Variants in SYNE2 observed in about 807,000 individuals in gnomAD.
SYNE2 encodes spectrin repeat containing nuclear envelope protein 2, also known as nesprin-2.
Under a neutral mutation model 856.3 loss-of-function variants are expected in SYNE2, and 431 were observed. That is an observed-to-expected ratio of 0.50 (90% CI 0.47 to 0.55). SYNE2 has a LOEUF of 0.55. SYNE2 is among the 20% of genes least tolerant of loss of function. SYNE2 has a pLI of 0.00. For missense variants in SYNE2, 8,129 were observed against 8,023.2 expected, an observed-to-expected ratio of 1.01 and a Z score of -0.50; for synonymous variants, 2,923 against 2,872.3, an observed-to-expected ratio of 1.02 and a Z score of -0.56.
At chr14:63,978,783 T>C in intron 13 of SYNE2, 69 bp from the exon 14 acceptor site, 3 of 1,354,538 alleles carry the variant, frequency 2.2e-6, no homozygotes, top group Non-Finnish European at 2.1e-6. Context: ...TTTTTTAAAA[T>C]GCTGAACAGA....
In SYNE2 at chr14:64,007,156, C is replaced by T. The variant is rs748016794; in HGVS notation, c.4511C>T (p.Thr1504Ile). 6.2e-7 allele frequency: 1 copy of T among 1,614,088 alleles called. No homozygotes were observed. Among genetic ancestry groups the T allele is most frequent in the South Asian group, 1.1e-5 (1 of 91,086 alleles). The part of the protein sequence containing the change: ...LPHFKDGREK[T>I]VNQQCQNTVV... ...CACTTCAAAGATGGCAGAGAAAAAA[C>T]CGTGAATCAACAGTGCCAAAATACA... Residue 1504 changes from threonine (T) to isoleucine (I), a missense_variant, in exon 31 of 116, where the codon ACC becomes ATC. Thr to Ile is a moderately conservative substitution (Grantham distance 89). Coordinates refer to ENST00000555002, the MANE Select transcript of SYNE2 (RefSeq NM_182914.3).
intron 96 of SYNE2, among the ~76,000 whole-genome samples, chr14:64,182,822 C>T (rs977695052): frequency 1.3e-5 from 2 of 152,370 alleles, no homozygotes; most frequent in African/African-American, 4.8e-5. Flanking sequence ...ATTTCTCTAT[C>T]TTTTCCCCAC....
At chr14:64,064,472 C>T (rs1042459711) in intron 50 of SYNE2, among the ~76,000 whole-genome samples, 1 of 151,202 alleles carries the variant, frequency 6.6e-6, no homozygotes, top group Non-Finnish European at 1.5e-5. Flanking sequence ...ATTTTTGGAC[C>T]GTTGTTAATC....
intron 1 of SYNE2, among the ~76,000 whole-genome samples, chr14:63,881,607 ATATATAAT>A (rs2094866604): frequency 6.7e-6 from 1 of 148,516 alleles, no homozygotes; most frequent in African/African-American, 2.4e-5. Context: ...GTTTATATAA[ATATATAAT>A]TATAATTATA....
chr14:64,126,199 C>G, intron 71 of SYNE2, 128 bp from the exon 72 acceptor site: 1 of 785,740 alleles, frequency 1.3e-6, no homozygotes, highest in Non-Finnish European at 2.1e-6. Flanking sequence ...GTTCACAAAG[C>G]GTTTGAAGCA....
At position 64,162,043 on chromosome 14, in the gene SYNE2, G is replaced by A. The variant is rs1307169821; in HGVS notation, c.16095-29G>A. The stretch of plus-strand genomic sequence containing the variant: ...CGCTACAAGAGAAAGGAGAGAATGA[G>A]GGTTATGTTATTTGCGTTGCACTGA... On this transcript the variant is annotated intron_variant, in intron 87 of 115. Coordinates refer to ENST00000555002, the MANE Select transcript of SYNE2 (RefSeq NM_182914.3). The A allele has an allele frequency of 6.2e-6, 10 of 1,613,524 alleles. No homozygotes were observed. In the South Asian group the frequency reaches 1.1e-4, roughly 18 times the overall value.
At chr14:64,153,184 T>A (rs931225704) in intron 85 of SYNE2, among the ~76,000 whole-genome samples, 1 of 152,130 alleles carries the variant, frequency 6.6e-6, no homozygotes, top group African/African-American at 2.4e-5. Flanking sequence ...CACTACATGG[T>A]GTTGAAGAGA....
At chr14:64,139,711 C>T (rs1290346971) in intron 79 of SYNE2, among the ~76,000 whole-genome samples, 1 of 152,094 alleles carries the variant, frequency 6.6e-6, no homozygotes, top group African/African-American at 2.4e-5. Context: ...CCACATCTGG[C>T]CTAAAATCCT....
chr14:63,802,075 A>G (rs1888151800), intron 1 of SYNE2, among the ~76,000 whole-genome samples: 1 of 151,034 alleles, frequency 6.6e-6, no homozygotes, highest in African/African-American at 2.4e-5. Flanking sequence ...AATACCCTAA[A>G]AATAGAAGGA....
At chr14:64,104,933 C>T (rs1363385868) in intron 64 of SYNE2, among the ~76,000 whole-genome samples, 1 of 152,080 alleles carries the variant, frequency 6.6e-6, no homozygotes. Flanking sequence ...ACCTATTTTA[C>T]CACCTTTCCT....
In SYNE2 at chr14:63,930,068, T is replaced by C. The variant is rs555757819; in HGVS notation, c.80-10546T>C. On this transcript the variant is annotated intron_variant, in intron 2 of 115. Transcript: ENST00000555002. ...GAGAGGCTAAGTTGGGAAGATTGCT[T>C]GAGGCCAGGATTTCGAGACCAGCCT... Among the ~76,000 whole-genome samples the C allele has an allele frequency of 2.6e-5, 4 of 152,220 alleles. No homozygotes were observed. The East Asian group carries it at 5.8e-4, about 22-fold the overall frequency.
intron 67 of SYNE2, among the ~76,000 whole-genome samples, chr14:64,119,910 G>A (rs2097885276): frequency 6.6e-6 from 1 of 152,140 alleles, no homozygotes; most frequent in South Asian, 2.1e-4. Context: ...CGTAAAAGAA[G>A]GATGTATTAT....
intron 1 of SYNE2, among the ~76,000 whole-genome samples, chr14:63,776,202 T>C (rs530726713): frequency 7.2e-5 from 11 of 152,332 alleles, no homozygotes; most frequent in African/African-American, 2.4e-4. Context: ...ATCAGATAAA[T>C]TATTGCATGA....
chr14:63,896,087 G>C (rs562276246), intron 1 of SYNE2, among the ~76,000 whole-genome samples: 123 of 152,282 alleles, frequency 8.1e-4, no homozygotes, highest in Non-Finnish European at 7.4e-4. Context: ...ATTTGTAGTT[G>C]CTAGAGATCG....
chr14:64,213,089 T>TGG, intron 105 of SYNE2, 84 bp downstream of exon 105: 1 of 1,391,016 alleles, frequency 7.2e-7, no homozygotes, highest in Non-Finnish European at 1.0e-6. Context: ...AGGGGACCTG[T>TGG]CTTATAATGG....
chr14:63,765,394 C>A (rs1443156725), intron 1 of SYNE2, among the ~76,000 whole-genome samples: 1 of 152,094 alleles, frequency 6.6e-6, no homozygotes, highest in East Asian at 1.9e-4. Flanking sequence ...ACTCTGTCAC[C>A]CAGGCTGGAG....
At chr14:64,069,931 T>C (rs2097391396) in intron 51 of SYNE2, among the ~76,000 whole-genome samples, 1 of 152,154 alleles carries the variant, frequency 6.6e-6, no homozygotes, top group Admixed American at 6.5e-5. Context: ...TAACCATCAC[T>C]GAGGCAGGAT....
chr14:63,892,590 A>T (rs2095158439), intron 1 of SYNE2, among the ~76,000 whole-genome samples: 1 of 152,172 alleles, frequency 6.6e-6, no homozygotes, highest in Non-Finnish European at 1.5e-5. Flanking sequence ...AAGCAATTCA[A>T]GTGAAGATAT....
At chr14:63,947,459 T>G (rs2096054161) in intron 6 of SYNE2, among the ~76,000 whole-genome samples, 1 of 152,226 alleles carries the variant, frequency 6.6e-6, no homozygotes, top group African/African-American at 2.4e-5. Context: ...CTTTCAAGAA[T>G]GAATCAATTT....
Sources: gnomAD v4.1 joint callset for allele counts (sites outside exome capture counted in the v4.1 genomes callset) on GRCh38, gnomAD v4.1.1 for gene constraint, MANE v1.5 for transcripts, NCBI Gene and HGNC (gene_info 2026-07-23, HGNC 2026-07-21) for gene names.